DPY19L3: variants seen among roughly 807,000 people sequenced by gnomAD.
DPY19L3 encodes the protein protein C-mannosyl-transferase DPY19L3.
In DPY19L3, 51 loss-of-function variants were observed where a neutral mutation model predicts 92.3. The observed-to-expected ratio is 0.55, with a 90% CI of 0.44 to 0.70. The LOEUF (loss-of-function observed/expected upper bound fraction) is 0.70. Ranked by LOEUF, DPY19L3 falls within the 30% of genes least tolerant of loss-of-function variation. The pLI is 0.00. For synonymous variants in DPY19L3, 309 were observed against 315.2 expected, an observed-to-expected ratio of 0.98 and a Z score of 0.21; for missense variants, 706 against 855.9, an observed-to-expected ratio of 0.82 and a Z score of 2.18.
chr19:32,468,064 A>G (rs1970249301), intron 15 of DPY19L3: 1 of 985,160 alleles, frequency 1.0e-6, no homozygotes, highest in Admixed American at 6.1e-5. Flanking sequence ...GTACAAAAAT[A>G]CAATCATGCT....
Position 32,437,357 on chromosome 19 carries a change from T to C in DPY19L3, c.596+18T>C, listed in dbSNP as rs768905818. The C allele has an allele frequency of 1.3e-6, 2 of 1,583,570 alleles. No homozygotes were observed. ...ACAAATAGGTGAGTTGGAGTCAGTA[T>C]GCTTCTTTTTTTTCCAAAATGTAAG... On this transcript the variant is annotated intron_variant, in intron 6 of 18. Coordinates refer to ENST00000392250, the MANE Select transcript of DPY19L3 (RefSeq NM_001172774.2).
intron 8 of DPY19L3, among the ~76,000 whole-genome samples, chr19:32,449,397 G>GT (rs1969624982): frequency 6.6e-6 from 1 of 152,132 alleles, no homozygotes; most frequent in South Asian, 2.1e-4. Context: ...CCCAGGAGGA[G>GT]TTTTTGCAGA....
intron 3 of DPY19L3, among the ~76,000 whole-genome samples, chr19:32,416,028 T>C (rs1275479224): frequency 6.6e-6 from 1 of 152,124 alleles, no homozygotes; most frequent in Non-Finnish European, 1.5e-5. Context: ...GCCAAAAGTC[T>C]CTAAGGTAGG....
rs1969939972 is a variant in DPY19L3, at chr19:32,458,503, A to G, written c.1316A>G (p.Asn439Ser). ...VIVAFVVAFH[N>S]LSDSTNQQSV... ...GTAGCATTCGTTGTTGCCTTTCATA[A>G]TCTCAGGTATGGTATATTTCAGAAA... is the stretch of plus-strand genomic sequence containing the variant. The change falls in exon 12 of 19, where the codon AAT becomes AGT. Residue 439 changes from asparagine to serine, a missense_variant. By Grantham distance (46) the Asn-to-Ser change is conservative. Transcript: ENST00000392250. 3 of 1,608,152 alleles carry G rather than the reference A, an allele frequency of 1.9e-6. No homozygotes were observed. The highest frequency in any genetic ancestry group is 1.1e-5 in the South Asian group (1 of 89,274).
intron 16 of DPY19L3, 23 bp downstream of exon 16, chr19:32,468,836 T>A: frequency 6.2e-7 from 1 of 1,607,166 alleles, no homozygotes; most frequent in Non-Finnish European, 8.5e-7. Flanking sequence ...TTTTTAACTT[T>A]TAAAATTTTA....
intron 16 of DPY19L3, among the ~76,000 whole-genome samples, chr19:32,476,684 G>A (rs991130838): frequency 3.9e-5 from 6 of 152,032 alleles, no homozygotes; most frequent in African/African-American, 1.2e-4. Flanking sequence ...ACAGAAAATC[G>A]TAGCGTGGTG....
chr19:32,478,429 T>G (rs1428365665), intron 17 of DPY19L3, among the ~76,000 whole-genome samples: 1 of 152,222 alleles, frequency 6.6e-6, no homozygotes, highest in Admixed American at 6.5e-5. Flanking sequence ...TTCTGAAGTC[T>G]GGGGTTTTTG....
intron 16 of DPY19L3, among the ~76,000 whole-genome samples, chr19:32,471,523 G>A (rs1970357111): frequency 6.6e-6 from 1 of 152,158 alleles, no homozygotes; most frequent in Admixed American, 6.5e-5. Context: ...TTGGCACAGG[G>A]CACCCCTTAC....
chr19:32,456,312 C>CCTAGGCTCA (rs1969864390), intron 10 of DPY19L3, among the ~76,000 whole-genome samples: 1 of 151,380 alleles, frequency 6.6e-6, no homozygotes, highest in Non-Finnish European at 1.5e-5. Flanking sequence ...TAGGCTCAAG[C>CCTAGGCTCA]AGTCCACCTG....
intron 3 of DPY19L3, among the ~76,000 whole-genome samples, chr19:32,425,855 G>A (rs1968743414): frequency 6.6e-6 from 1 of 152,120 alleles, no homozygotes; most frequent in African/African-American, 2.4e-5. Context: ...TTTTCAGAAT[G>A]GTAAGTGAAC....
chr19:32,481,986 C>A, intron 18 of DPY19L3, 93 bp from the exon 19 acceptor site: 4 of 1,365,126 alleles, frequency 2.9e-6, no homozygotes, highest in South Asian at 1.4e-5. Flanking sequence ...CACTCACATA[C>A]CATTCTTAAA....
In DPY19L3 at chr19:32,482,070, T is replaced by C. The variant is rs772054044; in HGVS notation, c.1990-9T>C. The C allele has an allele frequency of 1.2e-6, 2 of 1,605,004 alleles. No homozygotes were observed. The highest frequency in any genetic ancestry group is 1.7e-6 in the Non-Finnish European group (2 of 1,177,220). On this transcript the variant is annotated splice_polypyrimidine_tract_variant and intron_variant, in intron 18 of 18. Coordinates refer to ENST00000392250, the MANE Select transcript of DPY19L3 (RefSeq NM_001172774.2). ...CCCCAAATTGTATTTGGGTTTGTTT[T>C]GGTTTTAGATGATGGATGGCCCAGG...
rs1447502535 is a variant in DPY19L3 at position 32,482,425 on chromosome 19, T to G, written c.*185T>G. ...CATCTTCTACAAGCAGAAGTCTTTT[T>G]CGTTGTGTGTCTATCTTTCTCATTA... On this transcript the variant is annotated 3_prime_UTR_variant, in exon 19 of 19. Transcript: ENST00000392250. 1 of 625,852 alleles carries G rather than the reference T, an allele frequency of 1.6e-6. No homozygotes were observed. Among genetic ancestry groups the G allele is most frequent in the Non-Finnish European group, 2.7e-6 (1 of 374,384 alleles). The allele number at this position is 625,852 out of a possible 1,614,324, so 38.8% of individuals were successfully genotyped here. A position where few individuals can be genotyped will look rare whatever the true frequency, so the allele number is the denominator to read the frequency against.
intron 3 of DPY19L3, among the ~76,000 whole-genome samples, chr19:32,419,362 A>G (rs1599594541): frequency 6.6e-6 from 1 of 151,924 alleles, no homozygotes; most frequent in East Asian, 1.9e-4. Context: ...GGAGTTTCAC[A>G]GTGTTAGCCA....
At chr19:32,431,754 T>G (rs1968976720) in intron 3 of DPY19L3, among the ~76,000 whole-genome samples, 1 of 152,192 alleles carries the variant, frequency 6.6e-6, no homozygotes, top group Admixed American at 6.5e-5. Context: ...AAAACAAAGG[T>G]GTCACTATCT....
chr19:32,429,666 C>G (rs1968893053), intron 3 of DPY19L3, among the ~76,000 whole-genome samples: 1 of 152,142 alleles, frequency 6.6e-6, no homozygotes, highest in Admixed American at 6.5e-5. Flanking sequence ...CTCTTTCATT[C>G]TTTATTGGCT....
At chr19:32,464,831 T>A (rs768643285) in intron 15 of DPY19L3, 47 bp downstream of exon 15, 2 of 1,299,272 alleles carry the variant, frequency 1.5e-6, no homozygotes, top group South Asian at 3.1e-5. Context: ...TTTAGCAGAA[T>A]AATTGCTTTG....
At chr19:32,445,037 C>T (rs2145523285) in intron 8 of DPY19L3, among the ~76,000 whole-genome samples, 1 of 147,030 alleles carries the variant, frequency 6.8e-6, no homozygotes, top group Non-Finnish European at 1.5e-5. Flanking sequence ...AATTGCACCA[C>T]TGCATTCTAA....
intron 2 of DPY19L3, 131 bp from the exon 3 acceptor site, chr19:32,411,108 C>T (rs1411827524): frequency 2.3e-6 from 2 of 882,096 alleles, no homozygotes; most frequent in Non-Finnish European, 3.4e-6. Flanking sequence ...AAAGGACCCT[C>T]CGCTGGAGAC....
Sources: gnomAD v4.1 joint callset for allele counts (sites outside exome capture counted in the v4.1 genomes callset) on GRCh38, gnomAD v4.1.1 for gene constraint, MANE v1.5 for transcripts, NCBI Gene and HGNC (gene_info 2026-07-23, HGNC 2026-07-21) for gene names.